Variants in GABBR2 observed in about 807,000 individuals in gnomAD.
GABBR2 encodes the protein G-protein coupled receptor 51.
Under a neutral mutation model 105.6 loss-of-function variants are expected in GABBR2, and 23 were observed. The ratio of observed to expected loss-of-function variants is 0.22; its 90% CI spans 0.16 to 0.31. The LOEUF (loss-of-function observed/expected upper bound fraction) is 0.31. Ranked by LOEUF, GABBR2 falls within the 10% of genes least tolerant of loss-of-function variation. GABBR2 has a pLI of 1.00. For synonymous variants in GABBR2, 478 were observed against 499.7 expected, an observed-to-expected ratio of 0.96 and a Z score of 0.58; for missense variants, 734 against 1,245.5, an observed-to-expected ratio of 0.59 and a Z score of 6.18.
Position 98,432,204 on chromosome 9 carries a change from G to A in GABBR2, c.1236+21777C>T, listed in dbSNP as rs79276308. 8.0e-3 allele frequency among the ~76,000 whole-genome samples: 1,219 copies of A among 152,290 alleles called. 17 individuals carry two copies. Among genetic ancestry groups the A allele is most frequent in the East Asian group, 0.025 (129 of 5,178 alleles). On this transcript the variant is annotated intron_variant, in intron 7 of 18. Transcript: ENST00000259455. The stretch of plus-strand genomic sequence containing the variant: ...AGTCACTGCACCCGGCTCAAGGAAG[G>A]TTTTTAATAAGGAGTACCATGGCCA...
chr9:98,641,576 C>T (rs1204932256), intron 1 of GABBR2, among the ~76,000 whole-genome samples: 5 of 152,300 alleles, frequency 3.3e-5, no homozygotes, highest in Middle Eastern at 6.8e-3. Flanking sequence ...CATAAAGCAA[C>T]GGGCATGCAT....
At chr9:98,634,292 T>C (rs1481151288) in intron 1 of GABBR2, among the ~76,000 whole-genome samples, 1 of 152,194 alleles carries the variant, frequency 6.6e-6, no homozygotes, top group Non-Finnish European at 1.5e-5. Context: ...ATTTTTAAAT[T>C]CTATTTGTAA....
At chr9:98,519,279 G>A (rs556318926) in intron 3 of GABBR2, among the ~76,000 whole-genome samples, 5 of 152,338 alleles carry the variant, frequency 3.3e-5, no homozygotes, top group African/African-American at 9.6e-5. Flanking sequence ...CCTGAGGTGG[G>A]TGTCACTTAA....
chr9:98,463,332 C>T (rs907583560), intron 6 of GABBR2, among the ~76,000 whole-genome samples: 2 of 152,184 alleles, frequency 1.3e-5, no homozygotes, highest in South Asian at 2.1e-4. Flanking sequence ...AATTGATCTA[C>T]AGATTCAGTA....
At position 98,318,708 on chromosome 9, in the gene GABBR2, T is replaced by C. The variant is rs554785229; in HGVS notation, c.1894-7503A>G. 2.6e-5 allele frequency among the ~76,000 whole-genome samples: 4 copies of C among 152,296 alleles called. No homozygotes were observed. In the East Asian group the frequency reaches 7.7e-4, roughly 29 times the overall value. ...CCAGCCCGGCCCGGCCAGTGCTCCT[T>C]TGAGGGAGGGGGTGCTTTCCACCTT... is the stretch of plus-strand genomic sequence containing the variant. On this transcript the variant is annotated intron_variant, in intron 13 of 18. Coordinates refer to ENST00000259455, the MANE Select transcript of GABBR2 (RefSeq NM_005458.8).
intron 1 of GABBR2, among the ~76,000 whole-genome samples, chr9:98,668,315 G>A (rs925968001): frequency 1.3e-4 from 20 of 152,026 alleles, no homozygotes; most frequent in African/African-American, 4.6e-4. Flanking sequence ...TGTTTTGGTG[G>A]CTGCTGCCCC....
intron 1 of GABBR2, among the ~76,000 whole-genome samples, chr9:98,636,489 T>C (rs893442206): frequency 3.6e-5 from 4 of 112,116 alleles, no homozygotes; most frequent in African/African-American, 1.4e-4. Context: ...TCCTTTCTTT[T>C]TTTTTTTTTT....
chr9:98,386,895 G>A (rs771093589), intron 10 of GABBR2, among the ~76,000 whole-genome samples: 16 of 152,208 alleles, frequency 1.1e-4, no homozygotes, highest in African/African-American at 2.4e-4. Flanking sequence ...GCTTAGACTC[G>A]GCCACTCCAT....
At chr9:98,296,239 T>C (rs758318562) in intron 17 of GABBR2, among the ~76,000 whole-genome samples, 1 of 152,190 alleles carries the variant, frequency 6.6e-6, no homozygotes, top group Non-Finnish European at 1.5e-5. Flanking sequence ...CATGAAGATG[T>C]AGAGTTCCTC....
intron 1 of GABBR2, among the ~76,000 whole-genome samples, chr9:98,610,198 C>T (rs1829485472): frequency 6.6e-6 from 1 of 152,222 alleles, no homozygotes; most frequent in Non-Finnish European, 1.5e-5. Flanking sequence ...TGGTGGCTTC[C>T]TGGTGGCGTG....
intron 2 of GABBR2, among the ~76,000 whole-genome samples, chr9:98,558,546 G>A: frequency 6.6e-6 from 1 of 152,202 alleles, no homozygotes; most frequent in East Asian, 1.9e-4. Context: ...TGCCCCCCAA[G>A]TTCATGGCTG....
At chr9:98,399,597 G>A (rs1412138716) in intron 8 of GABBR2, among the ~76,000 whole-genome samples, 1 of 152,280 alleles carries the variant, frequency 6.6e-6, no homozygotes, top group Admixed American at 6.5e-5. Context: ...TACCCAACCA[G>A]TGCCAGCCAG....
At chr9:98,679,681 A>C (rs1830516850) in intron 1 of GABBR2, among the ~76,000 whole-genome samples, 1 of 152,172 alleles carries the variant, frequency 6.6e-6, no homozygotes, top group Non-Finnish European at 1.5e-5. Flanking sequence ...GCAGGTCATA[A>C]AACCTAGGGA....
intron 13 of GABBR2, among the ~76,000 whole-genome samples, chr9:98,312,777 A>G (rs1481824265): frequency 6.6e-6 from 1 of 151,904 alleles, no homozygotes; most frequent in Non-Finnish European, 1.5e-5. Context: ...TTTTTGAGAT[A>G]GAGTCTCTGT....
At chr9:98,383,979 G>C (rs1039809093) in intron 11 of GABBR2, among the ~76,000 whole-genome samples, 2 of 152,194 alleles carry the variant, frequency 1.3e-5, no homozygotes, top group African/African-American at 4.8e-5. Flanking sequence ...ACTGAGGCTT[G>C]TGAGCAACAA....
intron 1 of GABBR2, among the ~76,000 whole-genome samples, chr9:98,684,175 A>T (rs1002129580): frequency 1.0e-4 from 15 of 145,270 alleles, no homozygotes; most frequent in East Asian, 4.0e-4. Context: ...ACGGTAAAAA[A>T]AAAAAAAAAA....
At chr9:98,570,580 G>A (rs1828816450) in intron 2 of GABBR2, among the ~76,000 whole-genome samples, 1 of 152,150 alleles carries the variant, frequency 6.6e-6, no homozygotes, top group African/African-American at 2.4e-5. Context: ...TCCCCACCCA[G>A]CTCCAAATTC....
At chr9:98,677,406 A>G (rs2131866332) in intron 1 of GABBR2, among the ~76,000 whole-genome samples, 1 of 152,352 alleles carries the variant, frequency 6.6e-6, no homozygotes, top group South Asian at 2.1e-4. Flanking sequence ...GGTTTACAAC[A>G]TCTTATAGGC....
intron 2 of GABBR2, among the ~76,000 whole-genome samples, chr9:98,549,885 C>A (rs148353108): frequency 1.3e-5 from 2 of 152,170 alleles, no homozygotes; most frequent in South Asian, 2.1e-4. Flanking sequence ...TACGACCAGA[C>A]CACAGGGCCT....
Sources: allele counts gnomAD v4.1 joint callset (sites outside exome capture counted in the v4.1 genomes callset), GRCh38; gene constraint gnomAD v4.1.1; transcripts MANE v1.5; gene names NCBI Gene and HGNC (gene_info 2026-07-23, HGNC 2026-07-21).